MYH2: variants seen among roughly 807,000 people sequenced by gnomAD.
MYH2 encodes the protein myosin heavy chain 2, also known as myosin-2.
A neutral mutation model predicts 228.1 loss-of-function variants in MYH2; 139 were observed. The ratio of observed to expected loss-of-function variants is 0.61; its 90% confidence interval spans 0.53 to 0.70. The LOEUF (loss-of-function observed/expected upper bound fraction) is 0.70, where lower values mean the gene tolerates loss of function less well. Ranked by LOEUF, MYH2 falls within the 30% of genes least tolerant of loss-of-function variation. The pLI, the probability that MYH2 is intolerant of heterozygous loss-of-function variation, is 0.00. For missense variants in MYH2, 1,809 were observed against 2,357.5 expected (o/e 0.77, Z 4.82); for synonymous variants, 796 against 871.1 (o/e 0.91, Z 1.52).
At position 10,529,563 on chromosome 17, in the gene MYH2, C is replaced by T. The variant is rs1382404777; in HGVS notation, c.3117+1G>A. ...AATGTCCTTGATGATACCAGACTTA[C>T]ATCATCCACTTGTTGTTCAAGTTTG... On this transcript the variant is annotated splice_donor_variant, in intron 24 of 39. Coordinates refer to ENST00000245503, the MANE Select transcript of MYH2 (RefSeq NM_017534.6). LOFTEE classifies it high-confidence loss of function. 1.9e-6 allele frequency: 3 copies of T among 1,614,080 alleles called. No homozygotes were observed. The highest frequency in any genetic ancestry group is 2.5e-6 in the Non-Finnish European group (3 of 1,180,052).
At chr17:10,544,269 T>C in intron 5 of MYH2, 142 bp from the exon 6 acceptor site, 1 of 947,422 alleles carries the variant, frequency 1.1e-6, no homozygotes, top group Non-Finnish European at 1.6e-6. Context: ...CCTACCACTT[T>C]CTCCCTCCCC....
intron 19 of MYH2, among the ~76,000 whole-genome samples, chr17:10,534,130 G>A (rs2073455960): frequency 6.6e-6 from 1 of 152,158 alleles, no homozygotes; most frequent in African/African-American, 2.4e-5. Context: ...TCAGCTCCTA[G>A]CAGCTGCTAC....
chr17:10,525,264 T>G lies in MYH2; in HGVS notation c.4622A>C (p.Gln1541Pro). 1 of 1,614,214 alleles carries G rather than the reference T, an allele frequency of 6.2e-7. No individual in the cohort carries two copies. Among genetic ancestry groups the G allele is most frequent in the Non-Finnish European group, 8.5e-7 (1 of 1,180,024 alleles). ...AGCAGCCTGAAGTTCACACTTTTCT[T>G]GTTCCACTTGTTTCTTTATTTTCTC... is the stretch of plus-strand genomic sequence containing the variant. ...ELEKIKKQVE[Q>P]EKCELQAALE... The change falls in exon 33 of 40, where the codon CAA becomes CCA. Residue 1541 changes from glutamine to proline, a missense_variant. Transcript: ENST00000245503. This position sits in a 1 kb window ranked among gnomAD's most constrained non-coding sequence, Gnocchi z 4.2.
rs115487650 is a variant in MYH2 at position 10,542,968 on chromosome 17, G to A, written c.811C>T (p.Leu271=). Residue 271 remains leucine, a synonymous_variant, in exon 10 of 40, where the codon CTA becomes TTA. Coordinates refer to ENST00000245503, the MANE Select transcript of MYH2 (RefSeq NM_017534.6). ...LASADIETYL[L]EKSRVVFQLK... ...TGGAAAACAACTCTAGACTTCTCTA[G>A]CAGATCTGGAAGGAAACAAATAACA... 208 of 1,610,860 alleles carry A rather than the reference G, an allele frequency of 1.3e-4. No homozygotes were observed. In the African/African-American group the frequency reaches 2.4e-3, roughly 19 times the overall value.
At chr17:10,536,656 T>C (rs773777720) in intron 16 of MYH2, 50 bp from the exon 17 acceptor site, 7 of 1,538,724 alleles carry the variant, frequency 4.5e-6, no homozygotes, top group Non-Finnish European at 6.3e-6. Flanking sequence ...GCAGGGCTAC[T>C]TCTTGCGTAT....
intron 2 of MYH2, among the ~76,000 whole-genome samples, chr17:10,548,636 T>C (rs1330492935): frequency 6.6e-6 from 1 of 152,160 alleles, no homozygotes; most frequent in African/African-American, 2.4e-5. Flanking sequence ...TTAACCCCCT[T>C]AAACTAATTA....
chr17:10,539,270 C>G lies in MYH2; in HGVS notation c.1351G>C (p.Asp451His). 1.9e-6 allele frequency: 3 copies of G among 1,614,198 alleles called. No homozygotes were observed. Among genetic ancestry groups the G allele is most frequent in the Non-Finnish European group, 2.5e-6 (3 of 1,180,040 alleles). ...WMVARINQQL[D>H]TKQPRQYFIG... ...AAGTACTGCCTGGGCTGCTTGGTGT[C>G]CAGCTGCTGGTTGATGCGGGCAACC... Residue 451 changes from aspartate (D) to histidine (H), a missense_variant, in exon 14 of 40, where the codon GAC (aspartate) becomes CAC (histidine). Asp to His is a moderately conservative substitution (Grantham distance 81, BLOSUM62 -1). Transcript: ENST00000245503.
chr17:10,523,067 A>C (rs1418745372), intron 39 of MYH2, 23 bp downstream of exon 39: 1 of 1,524,146 alleles, frequency 6.6e-7, no homozygotes, highest in East Asian at 2.2e-5. Context: ...TAATTTGAGG[A>C]CTTCAATCTT....
At position 10,525,557 on chromosome 17, in the gene MYH2, C is replaced by G. The variant is rs1294938712; in HGVS notation, c.4431G>C (p.Gln1477His). Reference protein sequence around the residue: ...EETHAELEASQKEARSLGTEL... With the variant: ...EETHAELEASHKEARSLGTEL... Reference sequence around the variant, plus strand: ...CAGTGCCAAGGGAACGGGCCTCCTTCTGGGAGGCCTCAAGCTCAGCATGCG... The same window carrying G: ...CAGTGCCAAGGGAACGGGCCTCCTTGTGGGAGGCCTCAAGCTCAGCATGCG... Residue 1477 changes from glutamine to histidine, a missense_variant, in exon 32 of 40, where the codon CAG (glutamine) becomes CAC (histidine). Physicochemically the swap from Gln to His is conservative, Grantham distance 24 (BLOSUM62 0). Around this residue, in one of 9 missense-constraint regions of MYH2, gnomAD observed 636 missense variants for 729.9 expected, o/e 0.87. Coordinates refer to ENST00000245503, the MANE Select transcript of MYH2 (RefSeq NM_017534.6). The surrounding 1 kb of genome is among the most constrained non-coding windows in gnomAD (Gnocchi z 4.2). 2.5e-6 allele frequency: 4 copies of G among 1,614,196 alleles called. No individual in the cohort carries two copies. Among genetic ancestry groups the G allele is most frequent in the Non-Finnish European group, 2.5e-6 (3 of 1,180,018 alleles).
intron 4 of MYH2, among the ~76,000 whole-genome samples, chr17:10,546,556 G>A (rs1170882772): frequency 6.6e-6 from 1 of 151,898 alleles, no homozygotes; most frequent in East Asian, 1.9e-4. Context: ...TGTCCCTTGA[G>A]GAATCCCCAG....
At position 10,545,452 on chromosome 17, in the gene MYH2, A is replaced by C. The variant is rs11078850; in HGVS notation, c.399T>G (p.Pro133=). 6.2e-7 allele frequency: 1 copy of C among 1,613,898 alleles called. No individual in the cohort carries two copies. Among genetic ancestry groups the C allele is most frequent in the Non-Finnish European group, 8.5e-7 (1 of 1,179,948 alleles). Residue 133 remains proline, a synonymous_variant, in exon 5 of 40, where the codon CCT becomes CCG. Coordinates refer to ENST00000245503, the MANE Select transcript of MYH2 (RefSeq NM_017534.6). ...CVTVNPYKWL[P]VYKPEVVTAY... is the part of the protein sequence containing the mutation. ...CTGTCACCACCTCGGGCTTATACAC[A>C]GGCAGCCACTTGTAGGGGTTGACAG...
rs775289093 is a variant in MYH2, at chr17:10,543,737, C to T, written c.715G>A (p.Val239Met). 34 of 1,614,186 alleles carry T rather than the reference C, an allele frequency of 2.1e-5. No individual in the cohort carries two copies. The highest frequency in any genetic ancestry group is 1.1e-4 in the East Asian group (5 of 44,892). The change falls in exon 8 of 40, where the codon GTG becomes ATG. Residue 239 changes from valine (V) to methionine (M), a missense_variant. This residue lies in a region of MYH2 where 373 missense variants were observed against 620.4 expected (regional missense o/e 0.60). Transcript: ENST00000245503. ...AAGCGAGAGGAGTTGTCATTCCTCA[C>T]GGTCTTGGCGTTGCCAAAGGCCTCC... ...LLEAFGNAKT[V>M]RNDNSSRFGK...
Position 10,524,010 on chromosome 17 carries a change from A to G in MYH2, c.5176-126T>C. The stretch of plus-strand genomic sequence containing the variant: ...AAATGCCTTTTAATATTAAAGAATT[A>G]AAGGATTGTGTTATGTAATATGATT... On this transcript the variant is annotated intron_variant, in intron 35 of 39. Coordinates refer to ENST00000245503, the MANE Select transcript of MYH2 (RefSeq NM_017534.6). This position sits in a 1 kb window ranked among gnomAD's most constrained non-coding sequence, Gnocchi z 4.7. 1.1e-6 allele frequency: 1 copy of G among 883,952 alleles called. No individual in the cohort carries two copies. The highest frequency in any genetic ancestry group is 1.7e-6 in the Non-Finnish European group (1 of 585,550). 54.8% of individuals were successfully genotyped at this position (883,952 alleles called of 1,614,324 possible). A position where few individuals can be genotyped will look rare whatever the true frequency, so the allele number is the denominator to read the frequency against.
chr17:10,530,251 C>A (rs1181135273), intron 22 of MYH2, among the ~76,000 whole-genome samples, 177 bp from the exon 23 acceptor site: 2 of 152,166 alleles, frequency 1.3e-5, no homozygotes, highest in Non-Finnish European at 2.9e-5. Flanking sequence ...GTGGGTAAGC[C>A]AAAATGTACC....
intron 19 of MYH2, among the ~76,000 whole-genome samples, 179 bp from the exon 20 acceptor site, chr17:10,533,811 C>A (rs2073452572): frequency 6.6e-6 from 1 of 152,120 alleles, no homozygotes; most frequent in African/African-American, 2.4e-5. Context: ...TTCCATTTGC[C>A]TTTCCCTCGC....
chr17:10,523,286 C>T (rs1387962142), intron 38 of MYH2, 22 bp downstream of exon 38: 9 of 1,613,568 alleles, frequency 5.6e-6, no homozygotes, highest in East Asian at 2.2e-5. Flanking sequence ...AGTGCTTAGC[C>T]GCTAAAAACT....
rs1047470656 is a variant in MYH2, at chr17:10,526,509, G to A, written c.4187+90C>T. On this transcript the variant is annotated intron_variant, in intron 30 of 39. Coordinates refer to ENST00000245503, the MANE Select transcript of MYH2 (RefSeq NM_017534.6). Reference sequence around the variant, plus strand: ...CATAAAAGCAGATTAATGAGCATTTGTGGACTAATTCACTGAATCTTCAAA... The same window carrying A: ...CATAAAAGCAGATTAATGAGCATTTATGGACTAATTCACTGAATCTTCAAA... 33 of 1,577,520 alleles carry A rather than the reference G, an allele frequency of 2.1e-5. No homozygotes were observed. The African/African-American group carries it at 2.6e-4, about 12-fold the overall frequency.
intron 39 of MYH2, among the ~76,000 whole-genome samples, 168 bp from the exon 40 acceptor site, chr17:10,521,600 T>TATACACAC (rs1555569444): frequency 9.3e-5 from 14 of 150,842 alleles, no homozygotes; most frequent in African/African-American, 3.4e-4. Context: ...TATATATATA[T>TATACACAC]ACACACACAC....
rs1597457303 is a variant in MYH2 at position 10,543,043 on chromosome 17, C to T, written c.805+55G>A. The stretch of plus-strand genomic sequence containing the variant: ...GTGACATGCGAATTTGATTTTTGGT[C>T]AGTTTTTTAGGTCATATGAATCAGA... On this transcript the variant is annotated intron_variant, in intron 9 of 39. Coordinates refer to ENST00000245503, the MANE Select transcript of MYH2 (RefSeq NM_017534.6). 17 of 1,591,392 alleles carry T rather than the reference C, an allele frequency of 1.1e-5. No individual in the cohort carries two copies. The East Asian group carries it at 1.8e-4, about 17-fold the overall frequency.
Sources: gnomAD v4.1 joint callset for allele counts (sites outside exome capture counted in the v4.1 genomes callset) on GRCh38, gnomAD v4.1.1 for gene constraint, gnomAD v4.1.1 regional missense constraint, Gnocchi (gnomAD v3.1) non-coding constraint, MANE v1.5 for transcripts, NCBI Gene and HGNC (gene_info 2026-07-23, HGNC 2026-07-21) for gene names.